The following PDE4D variants were observed in gnomAD, a reference collection of about 807,000 sequenced individuals.
PDE4D encodes the protein 3',5'-cyclic-AMP phosphodiesterase 4D.
Under a neutral mutation model 87.4 loss-of-function variants are expected in PDE4D, and 24 were observed. That is an observed-to-expected ratio of 0.27 (90% confidence interval 0.20 to 0.39). The LOEUF is 0.39. Among genes scored for constraint, PDE4D ranks in the 10% least tolerant of loss-of-function variants. The pLI is 1.00. For missense variants in PDE4D, 714 were observed against 1,041.0 expected (o/e 0.69, Z 4.32); for synonymous variants, 384 against 383.2 (o/e 1.00, Z -0.02).
At chr5:59,180,466 T>C (rs1013662141) in intron 5 of PDE4D, 129 bp downstream of exon 5, 2 of 774,722 alleles carry the variant, frequency 2.6e-6, no homozygotes, top group Non-Finnish European at 4.5e-6. Context: ...GAAATGATAA[T>C]GTAGAGAAGA....
At chr5:59,855,053 C>T (rs1032855044) in intron 1 of PDE4D, among the ~76,000 whole-genome samples, 8 of 152,042 alleles carry the variant, frequency 5.3e-5, no homozygotes, top group Non-Finnish European at 1.0e-4. Context: ...ATATGAGTTC[C>T]TGGTAATGTT....
At chr5:59,090,807 CTTTTTTT>C (rs61610340) in intron 5 of PDE4D, among the ~76,000 whole-genome samples, 3 of 106,022 alleles carry the variant, frequency 2.8e-5, no homozygotes, top group African/African-American at 6.9e-5. Flanking sequence ...TTTTCTTTTT[CTTTTTTT>C]TTTTTTTTTT....
At chr5:59,415,015 A>C (rs7735228) in intron 1 of PDE4D, among the ~76,000 whole-genome samples, 25,907 of 152,238 alleles carry the variant, frequency 0.17, 2,937 homozygotes, top group African/African-American at 0.31. Flanking sequence ...CAGCATCCAG[A>C]GGGCATAATG....
chr5:59,346,265 G>A (rs1434787844), intron 1 of PDE4D, among the ~76,000 whole-genome samples: 1 of 152,058 alleles, frequency 6.6e-6, no homozygotes, highest in Non-Finnish European at 1.5e-5. Flanking sequence ...CTAGATGTTG[G>A]TTATATGAGT....
At chr5:59,430,153 T>C (rs1263117053) in intron 1 of PDE4D, 2 of 709,010 alleles carry the variant, frequency 2.8e-6, no homozygotes, top group East Asian at 3.4e-5. Flanking sequence ...GGTTAATTTT[T>C]TTCCCAACTA....
chr5:58,975,359 C>T lies in PDE4D; in HGVS notation c.2014-279G>A, dbSNP rs1451296898. 1.3e-5 allele frequency among the ~76,000 whole-genome samples: 2 copies of T among 152,042 alleles called. No individual in the cohort carries two copies. The highest frequency in any genetic ancestry group is 2.4e-5 in the African/African-American group (1 of 41,396). ...CATGGTAGGGCTTATTTTACAATCA[C>T]CAATTTGTAGGTGAATCCAGATAAC... On this transcript the variant is annotated intron_variant, in intron 14 of 14. Transcript: ENST00000340635. This position sits in a 1 kb window ranked among gnomAD's most constrained non-coding sequence, Gnocchi z 4.2.
chr5:59,499,881 C>CA (rs201205880), intron 1 of PDE4D, among the ~76,000 whole-genome samples: 5,333 of 137,400 alleles, frequency 0.039, 130 homozygotes, highest in African/African-American at 0.059. Flanking sequence ...TGAAAGTATT[C>CA]AAAAAAAAAA....
intron 1 of PDE4D, among the ~76,000 whole-genome samples, chr5:59,729,470 G>A (rs943379743): frequency 1.3e-5 from 2 of 152,066 alleles, no homozygotes; most frequent in Non-Finnish European, 1.5e-5. Flanking sequence ...TAAATGCAGA[G>A]TATAGGATAT....
chr5:59,137,465 G>A (rs965253039), intron 5 of PDE4D, among the ~76,000 whole-genome samples: 5 of 151,850 alleles, frequency 3.3e-5, no homozygotes, highest in Non-Finnish European at 5.9e-5. Context: ...TAGAAAAATG[G>A]AAATGGTATC....
chr5:59,782,017 A>G (rs1764688143), intron 1 of PDE4D, among the ~76,000 whole-genome samples: 1 of 152,178 alleles, frequency 6.6e-6, no homozygotes, highest in Non-Finnish European at 1.5e-5. Context: ...TAAAACACTT[A>G]GGAAGGGATG....
intron 1 of PDE4D, among the ~76,000 whole-genome samples, chr5:60,269,954 G>A (rs1750641565): frequency 6.6e-6 from 1 of 152,178 alleles, no homozygotes; most frequent in East Asian, 1.9e-4. Flanking sequence ...GAAGACTAAA[G>A]GCAAACGGTT....
chr5:59,377,285 C>T (rs1288201719), intron 1 of PDE4D, among the ~76,000 whole-genome samples: 16 of 151,824 alleles, frequency 1.1e-4, no homozygotes, highest in Non-Finnish European at 8.8e-5. Context: ...GGCGTGGTGG[C>T]GGGCGCCTGT....
chr5:59,415,360 T>TTTTG (rs1426916906), intron 1 of PDE4D, among the ~76,000 whole-genome samples: 1 of 152,182 alleles, frequency 6.6e-6, no homozygotes, highest in African/African-American at 2.4e-5. Context: ...TTGCCCAGGT[T>TTTTG]GGCAACAACT....
At chr5:59,881,341 T>C (rs1486807889) in intron 1 of PDE4D, among the ~76,000 whole-genome samples, 1 of 152,184 alleles carries the variant, frequency 6.6e-6, no homozygotes, top group African/African-American at 2.4e-5. Context: ...GAAATTAGTA[T>C]CTAATGTCCT....
At chr5:60,276,871 G>C (rs953132773) in intron 1 of PDE4D, among the ~76,000 whole-genome samples, 1 of 151,000 alleles carries the variant, frequency 6.6e-6, no homozygotes, top group African/African-American at 2.4e-5. Context: ...CTGCTTTTCT[G>C]TGATTAATAT....
intron 1 of PDE4D, among the ~76,000 whole-genome samples, chr5:59,548,032 G>GAGACAGAAGGAGAGAAAGAGAA (rs1817558246): frequency 1.3e-5 from 2 of 152,164 alleles, no homozygotes; most frequent in South Asian, 4.1e-4. Context: ...GAAACACAGT[G>GAGACAGAAGGAGAGAAAGAGAA]AGACAGAAGG....
intron 1 of PDE4D, among the ~76,000 whole-genome samples, chr5:59,758,421 T>C (rs942060575): frequency 2.0e-5 from 3 of 152,168 alleles, no homozygotes; most frequent in Non-Finnish European, 4.4e-5. Context: ...ATGTAATTTC[T>C]TCTCAGATCA....
intron 1 of PDE4D, among the ~76,000 whole-genome samples, chr5:60,224,707 T>C (rs1467395531): frequency 6.6e-6 from 1 of 152,126 alleles, no homozygotes; most frequent in Non-Finnish European, 1.5e-5. Context: ...CTTCTTGTTA[T>C]CTAGCCTTGG....
chr5:59,423,052 G>A (rs539330198), intron 1 of PDE4D, among the ~76,000 whole-genome samples: 23 of 152,168 alleles, frequency 1.5e-4, no homozygotes, highest in Admixed American at 1.4e-3. Flanking sequence ...AAGAATTATT[G>A]GGTTAATTAG....
Sources: allele counts gnomAD v4.1 joint callset (sites outside exome capture counted in the v4.1 genomes callset), GRCh38; gene constraint gnomAD v4.1.1; non-coding constraint Gnocchi (gnomAD v3.1); transcripts MANE v1.5; gene names NCBI Gene and HGNC (gene_info 2026-07-23, HGNC 2026-07-21).